RNF214: variants seen among roughly 807,000 people sequenced by gnomAD.
RNF214 encodes the protein ring finger protein 214.
A neutral mutation model predicts 75.9 loss-of-function variants in RNF214; 25 were observed. The ratio of observed to expected loss-of-function variants is 0.33; its 90% CI spans 0.24 to 0.46. The LOEUF (loss-of-function observed/expected upper bound fraction) is 0.46. Among genes scored for constraint, RNF214 ranks in the 20% least tolerant of loss-of-function variants. The probability of loss-of-function intolerance (pLI) is 1.00; values close to 1 mark genes in which losing one functional copy is unlikely to be tolerated. For missense variants in RNF214, 725 were observed against 857.5 expected (o/e 0.85, Z 1.93); for synonymous variants, 314 against 308.8 (o/e 1.02, Z -0.18).
chr11:117,281,482 T>G, intron 9 of RNF214, 78 bp downstream of exon 9: 1 of 1,400,666 alleles, frequency 7.1e-7, no homozygotes, highest in East Asian at 2.3e-5. Flanking sequence ...GGTAGCCTTT[T>G]GCATTGCCAT....
rs190275574 is a variant in RNF214, at chr11:117,234,716, A to C, written c.107+337A>C. On this transcript the variant is annotated intron_variant, in intron 2 of 14. Coordinates refer to ENST00000300650, the MANE Select transcript of RNF214 (RefSeq NM_207343.4). ...AGAAATGTTATATCAGTATGTGTACATGGATATCTAAATATGTATACATAC... is the reference window on the plus strand; with the variant it reads ...AGAAATGTTATATCAGTATGTGTACCTGGATATCTAAATATGTATACATAC... 1.3e-3 allele frequency among the ~76,000 whole-genome samples: 201 copies of C among 152,362 alleles called. 1 individual carries two copies. The highest frequency in any genetic ancestry group is 4.7e-3 in the African/African-American group (194 of 41,582).
At chr11:117,261,223 A>C (rs1426057318) in intron 6 of RNF214, among the ~76,000 whole-genome samples, 1 of 152,100 alleles carries the variant, frequency 6.6e-6, no homozygotes, top group East Asian at 1.9e-4. Context: ...TTCTATTTCT[A>C]ATTATCTGAG....
At position 117,280,180 on chromosome 11, in the gene RNF214, C is replaced by T; in HGVS notation, c.1066C>T (p.Leu356=). 1 of 1,612,784 alleles carries T rather than the reference C, an allele frequency of 6.2e-7. No individual in the cohort carries two copies. Among genetic ancestry groups the T allele is most frequent in the Non-Finnish European group, 8.5e-7 (1 of 1,178,888 alleles). The part of the protein sequence containing the change: ...ERAWKAEILS[L]ESRKELLVLK... ...TGTGTGGCTTCCTTAGATCTTATCA[C>T]TAGAGAGCCGGAAAGAGTTACTGGT... Residue 356 remains leucine (L), a synonymous_variant, in exon 8 of 15, where the codon CTA becomes TTA. Coordinates refer to ENST00000300650, the MANE Select transcript of RNF214 (RefSeq NM_207343.4).
At chr11:117,240,845 C>A (rs1054404501) in intron 4 of RNF214, among the ~76,000 whole-genome samples, 2 of 151,996 alleles carry the variant, frequency 1.3e-5, no homozygotes, top group Non-Finnish European at 2.9e-5. Context: ...AGTTTGAGAC[C>A]AGCCTGACTA....
intron 6 of RNF214, among the ~76,000 whole-genome samples, chr11:117,267,840 C>T (rs1239591065): frequency 3.3e-5 from 5 of 152,066 alleles, no homozygotes; most frequent in Admixed American, 1.3e-4. Flanking sequence ...TTCTGTAGAA[C>T]CTAAAATGAC....
chr11:117,264,536 A>T (rs2033751913), intron 6 of RNF214, among the ~76,000 whole-genome samples: 1 of 152,152 alleles, frequency 6.6e-6, no homozygotes, highest in African/African-American at 2.4e-5. Context: ...AATTAAAAAA[A>T]TTGTTTTAAG....
intron 6 of RNF214, among the ~76,000 whole-genome samples, chr11:117,274,454 C>T (rs1369202034): frequency 6.7e-6 from 1 of 149,396 alleles, no homozygotes; most frequent in African/African-American, 2.5e-5. Context: ...CCTCCGCCTC[C>T]TGGGTTCAAG....
intron 6 of RNF214, among the ~76,000 whole-genome samples, chr11:117,252,759 T>A (rs966438815): frequency 4.0e-4 from 61 of 151,884 alleles, no homozygotes; most frequent in Admixed American, 6.6e-4. Context: ...TGACCTCCTG[T>A]TCCGCCCGCC....
Position 117,268,359 on chromosome 11 carries a change from A to T in RNF214, c.960-11549A>T, listed in dbSNP as rs1203929402. 5.9e-5 allele frequency among the ~76,000 whole-genome samples: 9 copies of T among 152,348 alleles called. No individual in the cohort carries two copies. In the East Asian group the frequency reaches 1.7e-3, roughly 29 times the overall value. ...AAAAGATGGCTCCCAGGTCCTTGAA[A>T]CATTCCTGATTTGTGTGACTATTTT... On this transcript the variant is annotated intron_variant, in intron 6 of 14. Coordinates refer to ENST00000300650, the MANE Select transcript of RNF214 (RefSeq NM_207343.4).
chr11:117,284,925 G>A (rs940246923), intron 14 of RNF214, among the ~76,000 whole-genome samples, 161 bp from the exon 15 acceptor site: 1 of 152,062 alleles, frequency 6.6e-6, no homozygotes, highest in Admixed American at 6.5e-5. Context: ...GTGAGACTGG[G>A]TCTCAAAAAA....
chr11:117,254,799 A>G (rs752763250), intron 6 of RNF214, among the ~76,000 whole-genome samples: 2 of 151,856 alleles, frequency 1.3e-5, no homozygotes, highest in Admixed American at 6.6e-5. Flanking sequence ...AATTTTTTAT[A>G]TTTTTATTAG....
At position 117,285,836 on chromosome 11, in the gene RNF214, T is replaced by C. The variant is rs7083; in HGVS notation, c.*685T>C. ...ATAACCAGGTCCCAATTCCTCCATG[T>C]ACCCCACAAGCTTCTGTCCACCCTA... On this transcript the variant is annotated 3_prime_UTR_variant, in exon 15 of 15. Transcript: ENST00000300650. 0.72 allele frequency: 109,015 copies of C among 152,312 alleles called. 40,509 individuals carry two copies. The highest frequency in any genetic ancestry group is 0.95 in the East Asian group (4,910 of 5,172). The allele number at this position is 152,312 out of a possible 1,614,324, so 9.4% of individuals were successfully genotyped here. A position where few individuals can be genotyped will look rare whatever the true frequency, so the allele number is the denominator to read the frequency against.
intron 2 of RNF214, among the ~76,000 whole-genome samples, chr11:117,234,773 A>G (rs2032855001): frequency 6.6e-6 from 1 of 152,226 alleles, no homozygotes; most frequent in Non-Finnish European, 1.5e-5. Flanking sequence ...TATATCTCAT[A>G]GTAGCTAATA....
Position 117,279,953 on chromosome 11 carries a change from C to G in RNF214, c.1005C>G (p.Gly335=). ...MELDRLKNQD[G]EINRNIMEET... is the part of the protein sequence containing the mutation. ...TGGATAGACTCAAGAATCAGGATGG[C>G]GAAATAAATAGGAACATTATGGAAG... Residue 335 remains glycine (G), a synonymous_variant, in exon 7 of 15, where the codon GGC becomes GGG. Coordinates refer to ENST00000300650, the MANE Select transcript of RNF214 (RefSeq NM_207343.4). The G allele has an allele frequency of 6.2e-7, 1 of 1,613,116 alleles. No homozygotes were observed. The highest frequency in any genetic ancestry group is 8.5e-7 in the Non-Finnish European group (1 of 1,179,704).
chr11:117,246,074 T>C (rs534704237), intron 5 of RNF214, among the ~76,000 whole-genome samples: 1 of 152,272 alleles, frequency 6.6e-6, no homozygotes, highest in African/African-American at 2.4e-5. Context: ...CGAGCTATCC[T>C]TCCACCTCAG....
intron 6 of RNF214, among the ~76,000 whole-genome samples, chr11:117,251,583 T>C (rs1426088895): frequency 1.3e-5 from 2 of 151,382 alleles, no homozygotes; most frequent in Admixed American, 1.3e-4. Flanking sequence ...TTTATTATTT[T>C]ATTAACTTTT....
chr11:117,244,447 TA>T lies in RNF214; in HGVS notation c.685del (p.Met229Ter). On this transcript the variant is annotated frameshift_variant, in exon 5 of 15. Transcript: ENST00000300650. LOFTEE classifies it high-confidence loss of function. Reference sequence around the variant, plus strand: ...TTTTCTTGTCTTGTTCATAATAGGATAAAATGATGACAGAGAGAACCCTGTT... The same window carrying T: ...TTTTCTTGTCTTGTTCATAATAGGATAAATGATGACAGAGAGAACCCTGTT... The part of the protein sequence containing the change: ...TDQDIEKNLD[K>X]MMTERTLLKE... The T allele has an allele frequency of 6.2e-7, 1 of 1,608,014 alleles. No individual in the cohort carries two copies. The highest frequency in any genetic ancestry group is 8.5e-7 in the Non-Finnish European group (1 of 1,177,748).
chr11:117,247,479 A>G (rs2134369598), intron 6 of RNF214, among the ~76,000 whole-genome samples: 1 of 152,276 alleles, frequency 6.6e-6, no homozygotes, highest in Non-Finnish European at 1.5e-5. Flanking sequence ...TGGGTGACAG[A>G]GCAAGACCTT....
chr11:117,272,201 T>C (rs1286237059), intron 6 of RNF214, among the ~76,000 whole-genome samples: 1 of 152,164 alleles, frequency 6.6e-6, no homozygotes, highest in Non-Finnish European at 1.5e-5. Context: ...TACTCCAGCC[T>C]GGGTAACACA....
Sources: allele counts gnomAD v4.1 joint callset (sites outside exome capture counted in the v4.1 genomes callset), GRCh38; gene constraint gnomAD v4.1.1; transcripts MANE v1.5; gene names NCBI Gene and HGNC (gene_info 2026-07-23, HGNC 2026-07-21).